The following CCDC83 variants were observed in gnomAD, a reference collection of about 807,000 sequenced individuals.
CCDC83 encodes the protein coiled-coil domain containing 83, also known as coiled-coil domain-containing protein 83.
A neutral mutation model predicts 50.1 loss-of-function variants in CCDC83; 54 were observed. The ratio of observed to expected loss-of-function variants is 1.08; its 90% CI spans 0.87 to 1.35. CCDC83 has a LOEUF of 1.35. CCDC83 is among the 40% of genes most tolerant of loss of function. CCDC83 has a pLI of 0.00. For missense variants in CCDC83, 518 were observed against 473.9 expected (o/e 1.09, Z -0.86); for synonymous variants, 161 against 153.3 (o/e 1.05, Z -0.37).
chr11:85,911,188 AAAAAG>A, intron 7 of CCDC83, 88 bp from the exon 8 acceptor site: 3 of 1,120,106 alleles, frequency 2.7e-6, no homozygotes, highest in Non-Finnish European at 3.6e-6. Context: ...AAAAAAAAAA[AAAAAG>A]AAAGAAAAAA....
At chr11:85,874,477 A>G (rs2093258008) in intron 3 of CCDC83, among the ~76,000 whole-genome samples, 1 of 152,234 alleles carries the variant, frequency 6.6e-6, no homozygotes. Context: ...TCTTGTTTCC[A>G]TGAAGATTGG....
chr11:85,895,068 G>A (rs527690846), intron 5 of CCDC83, among the ~76,000 whole-genome samples: 5 of 151,968 alleles, frequency 3.3e-5, no homozygotes, highest in Non-Finnish European at 5.9e-5. Flanking sequence ...TCCTCTCCTC[G>A]TTCTGTCTTT....
chr11:85,901,549 G>A (rs982098070), intron 7 of CCDC83, among the ~76,000 whole-genome samples: 2 of 149,728 alleles, frequency 1.3e-5, no homozygotes, highest in Non-Finnish European at 3.0e-5. Context: ...CTCCAGCCTG[G>A]GCAACAGATT....
chr11:85,916,115 A>C lies in CCDC83; in HGVS notation c.962A>C (p.His321Pro), dbSNP rs763064890. 1 of 1,613,212 alleles carries C rather than the reference A, an allele frequency of 6.2e-7. No homozygotes were observed. The highest frequency in any genetic ancestry group is 8.5e-7 in the Non-Finnish European group (1 of 1,179,256). The change falls in exon 10 of 11, where the codon CAT becomes CCT. Residue 321 changes from histidine (H) to proline (P), a missense_variant. Transcript: ENST00000342404. Reference protein sequence around the residue: ...SDESTILHLSHENSIEDLQYV... With the variant: ...SDESTILHLSPENSIEDLQYV... ...GAGAGCACTATCTTACATCTTAGTC[A>C]TGAAAATAGCATCGAAGATCTCCAG...
chr11:85,898,903 T>G, intron 6 of CCDC83, 44 bp from the exon 7 acceptor site: 1 of 1,306,762 alleles, frequency 7.7e-7, no homozygotes, highest in Non-Finnish European at 1.1e-6. Flanking sequence ...AAATTGTGAA[T>G]CAGCATGTGG....
intron 2 of CCDC83, among the ~76,000 whole-genome samples, chr11:85,866,150 C>G (rs2093205501): frequency 6.6e-6 from 1 of 152,100 alleles, no homozygotes; most frequent in African/African-American, 2.4e-5. Context: ...GTCTGTGAAC[C>G]TTAGCTTTTG....
At chr11:85,887,517 T>C (rs750366139) in intron 5 of CCDC83, among the ~76,000 whole-genome samples, 25 of 152,120 alleles carry the variant, frequency 1.6e-4, no homozygotes, top group Admixed American at 4.6e-4. Flanking sequence ...CCCATATCAG[T>C]CTGGGCATGA....
At chr11:85,856,679 G>T (rs1246316846) in intron 1 of CCDC83, among the ~76,000 whole-genome samples, 1 of 152,172 alleles carries the variant, frequency 6.6e-6, no homozygotes, top group Non-Finnish European at 1.5e-5. Flanking sequence ...AGTCGTCCAA[G>T]TGAAACTTGA....
intron 2 of CCDC83, among the ~76,000 whole-genome samples, chr11:85,867,381 A>G (rs957834421): frequency 5.3e-5 from 8 of 151,630 alleles, no homozygotes; most frequent in Admixed American, 4.6e-4. Context: ...ATTTTAAAAA[A>G]TGTACCATAA....
chr11:85,889,003 A>G (rs1362629330), intron 5 of CCDC83, among the ~76,000 whole-genome samples: 2 of 152,240 alleles, frequency 1.3e-5, no homozygotes, highest in Non-Finnish European at 2.9e-5. Context: ...TCACATTTTT[A>G]AAGTAGGAAA....
Position 85,916,142 on chromosome 11 carries a change from A to C in CCDC83, c.989A>C (p.Tyr330Ser). The C allele has an allele frequency of 6.2e-7, 1 of 1,612,034 alleles. No individual in the cohort carries two copies. The highest frequency in any genetic ancestry group is 8.5e-7 in the Non-Finnish European group (1 of 1,178,186). ...GAAAATAGCATCGAAGATCTCCAGTATGTGAAGATAGATAAAGAGGAAAAC... is the reference window on the plus strand; with the variant it reads ...GAAAATAGCATCGAAGATCTCCAGTCTGTGAAGATAGATAAAGAGGAAAAC... ...SHENSIEDLQ[Y>S]VKIDKEENSG... Residue 330 changes from tyrosine to serine, a missense_variant, in exon 10 of 11, where the codon TAT becomes TCT. Tyr to Ser is a moderately radical substitution (Grantham distance 144, BLOSUM62 -2). Transcript: ENST00000342404.
chr11:85,902,676 A>C (rs1284184341), intron 7 of CCDC83, among the ~76,000 whole-genome samples: 1 of 151,928 alleles, frequency 6.6e-6, no homozygotes, highest in Non-Finnish European at 1.5e-5. Context: ...TTATCCAGTC[A>C]CCCAAGCCAG....
intron 3 of CCDC83, among the ~76,000 whole-genome samples, chr11:85,874,044 G>A (rs2093255436): frequency 6.6e-6 from 1 of 152,172 alleles, no homozygotes; most frequent in Non-Finnish European, 1.5e-5. Context: ...CATCCTGACT[G>A]TACAGCTTAC....
chr11:85,865,645 T>TG (rs1252465358), intron 2 of CCDC83, among the ~76,000 whole-genome samples: 2 of 152,164 alleles, frequency 1.3e-5, no homozygotes, highest in Non-Finnish European at 2.9e-5. Flanking sequence ...CCCAGCCCTT[T>TG]GGGAGACCAA....
chr11:85,899,419 C>A (rs1000657759), intron 7 of CCDC83, among the ~76,000 whole-genome samples: 1 of 152,184 alleles, frequency 6.6e-6, no homozygotes, highest in African/African-American at 2.4e-5. Flanking sequence ...GACATTTGAA[C>A]CAGATAATTC....
At chr11:85,888,654 G>T (rs2093338103) in intron 5 of CCDC83, among the ~76,000 whole-genome samples, 1 of 152,066 alleles carries the variant, frequency 6.6e-6, no homozygotes, top group African/African-American at 2.4e-5. Flanking sequence ...ACGTTTATGA[G>T]ATTATGAATG....
At chr11:85,864,065 A>C (rs2093193083) in intron 1 of CCDC83, among the ~76,000 whole-genome samples, 1 of 152,228 alleles carries the variant, frequency 6.6e-6, no homozygotes, top group African/African-American at 2.4e-5. Flanking sequence ...TCACAGAGAT[A>C]ACAGTGATGG....
chr11:85,917,050 G>A (rs2093480148), intron 10 of CCDC83, among the ~76,000 whole-genome samples: 2 of 151,424 alleles, frequency 1.3e-5, no homozygotes, highest in Non-Finnish European at 2.9e-5. Flanking sequence ...AGCAGAGGTT[G>A]CAGTGAGCAG....
chr11:85,882,799 A>C (rs561433860), intron 4 of CCDC83, 124 bp downstream of exon 4: 1 of 836,000 alleles, frequency 1.2e-6, no homozygotes. Flanking sequence ...CATCATTACC[A>C]CCGCAGCCAC....
Sources: gnomAD v4.1 joint callset for allele counts (sites outside exome capture counted in the v4.1 genomes callset) on GRCh38, gnomAD v4.1.1 for gene constraint, MANE v1.5 for transcripts, NCBI Gene and HGNC (gene_info 2026-07-23, HGNC 2026-07-21) for gene names.